The following DNAJA3 variants were observed in gnomAD, a reference collection of about 807,000 sequenced individuals.
DNAJA3 encodes DnaJ heat shock protein family (Hsp40) member A3, also known as dnaJ homolog subfamily A member 3, mitochondrial.
DNAJA3 carries 29 observed loss-of-function variants against 54.9 expected under a neutral mutation model. That is an observed-to-expected ratio of 0.53 (90% confidence interval 0.39 to 0.72). The LOEUF is 0.72. DNAJA3 is among the 30% of genes least tolerant of loss of function. DNAJA3 has a pLI of 0.00. For synonymous variants in DNAJA3, 302 were observed against 251.4 expected, an observed-to-expected ratio of 1.20 and a Z score of -1.90; for missense variants, 708 against 639.4, an observed-to-expected ratio of 1.11 and a Z score of -1.16.
intron 6 of DNAJA3, among the ~76,000 whole-genome samples, chr16:4,443,465 G>A (rs1350237503): frequency 6.6e-6 from 1 of 151,986 alleles, no homozygotes; most frequent in African/African-American, 2.4e-5. Context: ...TCCAACCCCC[G>A]GGCTCCTCTC....
Position 4,443,877 on chromosome 16 carries a change from G to A in DNAJA3, c.931+713G>A, listed in dbSNP as rs542898348. Among the ~76,000 whole-genome samples, 8 of 152,150 alleles carry A rather than the reference G, an allele frequency of 5.3e-5. No individual in the cohort carries two copies. The South Asian group carries it at 8.3e-4, about 16-fold the overall frequency. On this transcript the variant is annotated intron_variant, in intron 6 of 11. Coordinates refer to ENST00000262375, the MANE Select transcript of DNAJA3 (RefSeq NM_005147.6). Reference sequence around the variant, plus strand: ...AATTTTTTGTATTTTTAGTAGAGACGGGGTTTCATCGTGTTAGCCAGGATG... The same window carrying A: ...AATTTTTTGTATTTTTAGTAGAGACAGGGTTTCATCGTGTTAGCCAGGATG...
At chr16:4,426,235 C>G (rs1291101813) in intron 1 of DNAJA3, 143 bp downstream of exon 1, 5 of 1,003,496 alleles carry the variant, frequency 5.0e-6, no homozygotes, top group Non-Finnish European at 6.8e-6. Flanking sequence ...CACAGACAGG[C>G]AGGAGGCGGG....
At chr16:4,431,882 A>G (rs1280413785) in intron 1 of DNAJA3, 1 of 151,724 alleles carries the variant, frequency 6.6e-6, no homozygotes, top group Non-Finnish European at 1.5e-5. Flanking sequence ...TGCCTGGCCT[A>G]GAGTTGTTTC....
intron 9 of DNAJA3, chr16:4,450,170 C>T (rs2056960026): frequency 2.1e-6 from 1 of 476,156 alleles, no homozygotes; most frequent in Non-Finnish European, 3.7e-6. Flanking sequence ...AGCATAGCCA[C>T]AGTGACACTT....
Position 4,454,928 on chromosome 16 carries a change from G to T in DNAJA3, c.*13+1G>T. The T allele has an allele frequency of 1.9e-6, 3 of 1,600,570 alleles. No individual in the cohort carries two copies. The highest frequency in any genetic ancestry group is 2.2e-5 in the East Asian group (1 of 44,790). Reference sequence around the variant, plus strand: ...TTTACCTCATGATATCCCAGCCGAGGTAGGAAAACCCTGGAGGTTTTTTTT... The same window carrying T: ...TTTACCTCATGATATCCCAGCCGAGTTAGGAAAACCCTGGAGGTTTTTTTT... On this transcript the variant is annotated splice_donor_variant, in intron 11 of 11. Coordinates refer to ENST00000262375, the MANE Select transcript of DNAJA3 (RefSeq NM_005147.6). LOFTEE classifies it low-confidence loss of function (3UTR_SPLICE).
chr16:4,436,407 C>G (rs758298283), intron 2 of DNAJA3, among the ~76,000 whole-genome samples: 13 of 152,296 alleles, frequency 8.5e-5, no homozygotes, highest in Non-Finnish European at 1.6e-4. Flanking sequence ...TTTAGAGAAC[C>G]ATTCAGATTT....
chr16:4,431,112 T>G (rs921468661), intron 1 of DNAJA3: 5 of 152,284 alleles, frequency 3.3e-5, no homozygotes, highest in African/African-American at 1.2e-4. Flanking sequence ...CATGCAGTTT[T>G]GTGCGTTACT....
chr16:4,453,788 C>T (rs923080718), intron 10 of DNAJA3, among the ~76,000 whole-genome samples: 8 of 152,164 alleles, frequency 5.3e-5, no homozygotes, highest in African/African-American at 1.7e-4. Context: ...TCACCCCTTC[C>T]CGGGGACCTG....
intron 10 of DNAJA3, among the ~76,000 whole-genome samples, chr16:4,451,878 G>C (rs1388411224): frequency 1.3e-5 from 2 of 149,056 alleles, no homozygotes; most frequent in Non-Finnish European, 1.5e-5. Context: ...GACCAACATG[G>C]TGAAACCCTG....
intron 1 of DNAJA3, chr16:4,427,458 C>T (rs1011422233): frequency 3.3e-5 from 5 of 152,118 alleles, no homozygotes; most frequent in African/African-American, 1.2e-4. Flanking sequence ...TTACTTCATG[C>T]AATGTAAAGA....
intron 11 of DNAJA3, 54 bp from the exon 12 acceptor site, chr16:4,455,492 G>A (rs1290215420): frequency 1.9e-6 from 3 of 1,545,864 alleles, no homozygotes; most frequent in East Asian, 2.4e-5. Context: ...CCCCACAGGG[G>A]TGTGTTCCCT....
In DNAJA3 at chr16:4,434,397, C is replaced by T. The variant is rs760612520; in HGVS notation, c.225C>T (p.Asn75=). The T allele has an allele frequency of 2.5e-6, 4 of 1,612,610 alleles. No individual in the cohort carries two copies. The highest frequency in any genetic ancestry group is 1.7e-6 in the Non-Finnish European group (2 of 1,179,732). ...TTTCCTTTTTAGGAACAAAACATAA[C>T]CCTTTCATTTGTACTGCCTCCTTCC... ...PGVSLTGTKH[N]PFICTASFHT... The change falls in exon 2 of 12, where the codon AAC becomes AAT. Residue 75 remains asparagine, a synonymous_variant. Transcript: ENST00000262375.
At chr16:4,429,103 C>T (rs775810312) in intron 1 of DNAJA3, among the ~76,000 whole-genome samples, 10 of 151,598 alleles carry the variant, frequency 6.6e-5, no homozygotes, top group South Asian at 2.1e-4. Flanking sequence ...TTAGCCAGGA[C>T]GTCTCGATCT....
chr16:4,450,484 C>T lies in DNAJA3; in HGVS notation c.1326C>T (p.Thr442=). 3 of 1,609,010 alleles carry T rather than the reference C, an allele frequency of 1.9e-6. No homozygotes were observed. Among genetic ancestry groups the T allele is most frequent in the Non-Finnish European group, 2.5e-6 (3 of 1,178,014 alleles). Residue 442 remains threonine, a synonymous_variant, in exon 10 of 12, where the codon ACC becomes ACT. Transcript: ENST00000262375. Reference sequence around the variant, plus strand: ...TGGAGGGGACGGTGAACGGCGTCACCCTCACCAGCTCTGGTAAGGAGTCTG... The same window carrying T: ...TGGAGGGGACGGTGAACGGCGTCACTCTCACCAGCTCTGGTAAGGAGTCTG... The part of the protein sequence containing the change: ...TDVEGTVNGV[T]LTSSGGSTMD...
intron 10 of DNAJA3, among the ~76,000 whole-genome samples, chr16:4,452,709 G>C (rs1266859756): frequency 6.6e-6 from 1 of 152,144 alleles, no homozygotes; most frequent in Non-Finnish European, 1.5e-5. Context: ...AGGAGTTCGA[G>C]ACCAGCCTGG....
intron 2 of DNAJA3, among the ~76,000 whole-genome samples, chr16:4,437,078 C>G (rs1355938648): frequency 1.3e-5 from 2 of 152,188 alleles, no homozygotes; most frequent in African/African-American, 2.4e-5. Flanking sequence ...TCAAGTGATT[C>G]TCGTGCTTCA....
intron 2 of DNAJA3, among the ~76,000 whole-genome samples, chr16:4,435,425 A>C (rs1203263880): frequency 6.6e-6 from 1 of 152,144 alleles, no homozygotes. Flanking sequence ...CACCACAGTC[A>C]ACTTTAGGAC....
chr16:4,444,960 C>T (rs927825671), intron 7 of DNAJA3, among the ~76,000 whole-genome samples: 5 of 152,120 alleles, frequency 3.3e-5, no homozygotes, highest in African/African-American at 1.2e-4. Flanking sequence ...GTTAGAAATA[C>T]AGGTCACATA....
chr16:4,435,430 T>G (rs1441123199), intron 2 of DNAJA3, among the ~76,000 whole-genome samples: 1 of 152,174 alleles, frequency 6.6e-6, no homozygotes, highest in Non-Finnish European at 1.5e-5. Context: ...CAGTCAACTT[T>G]AGGACATTTT....
Sources: allele counts gnomAD v4.1 joint callset (sites outside exome capture counted in the v4.1 genomes callset), GRCh38; gene constraint gnomAD v4.1.1; transcripts MANE v1.5; gene names NCBI Gene and HGNC (gene_info 2026-07-23, HGNC 2026-07-21).